The following SYNRG variants were observed in gnomAD, a reference collection of about 807,000 sequenced individuals.
SYNRG encodes the protein AP1 gamma subunit binding protein 1.
SYNRG carries 37 observed loss-of-function variants against 130.9 expected under a neutral mutation model. The ratio of observed to expected loss-of-function variants is 0.28; its 90% CI spans 0.22 to 0.37. SYNRG has a LOEUF of 0.37. Ranked by LOEUF, SYNRG falls within the 10% of genes least tolerant of loss-of-function variation. SYNRG has a pLI of 1.00. For missense variants in SYNRG, 1,338 were observed against 1,588.9 expected (o/e 0.84, Z 2.68); for synonymous variants, 539 against 568.1 (o/e 0.95, Z 0.73).
At chr17:37,521,033 CTTTTTTT>C (rs66478744) in intron 19 of SYNRG, among the ~76,000 whole-genome samples, 3 of 126,370 alleles carry the variant, frequency 2.4e-5, no homozygotes, top group Non-Finnish European at 5.0e-5. Flanking sequence ...TTTTTCTTTT[CTTTTTTT>C]TTTTTTTTTG....
At chr17:37,531,496 C>T (rs981004446) in intron 19 of SYNRG, among the ~76,000 whole-genome samples, 1 of 152,148 alleles carries the variant, frequency 6.6e-6, no homozygotes, top group Non-Finnish European at 1.5e-5. Flanking sequence ...AGTGTTTTGG[C>T]TGGACACAGT....
chr17:37,570,784 A>C lies in SYNRG; in HGVS notation c.1200T>G (p.Ser400Arg), dbSNP rs1420826060. 6.2e-7 allele frequency: 1 copy of C among 1,614,132 alleles called. No individual in the cohort carries two copies. Among genetic ancestry groups the C allele is most frequent in the South Asian group, 1.1e-5 (1 of 91,076 alleles). Residue 400 changes from serine (S) to arginine (R), a missense_variant, in exon 10 of 22, where the codon AGT (serine) becomes AGG (arginine). By Grantham distance (110) the Ser-to-Arg change is moderately radical. Around this residue, in one of 3 missense-constraint regions of SYNRG, gnomAD observed 1,146 missense variants for 1,342.3 expected, o/e 0.85. Transcript: ENST00000612223. ...GACCTGAAGGTATCACAGTTGGCTG[A>C]CTCACCGGTGTAGGCAGAGTCATAG... ...GFSMTLPTPVSQPTVIPSGPA... is the reference protein window; with the variant it reads ...GFSMTLPTPVRQPTVIPSGPA...
At chr17:37,538,761 A>C (rs1384066848) in intron 17 of SYNRG, among the ~76,000 whole-genome samples, 1 of 152,002 alleles carries the variant, frequency 6.6e-6, no homozygotes, top group Non-Finnish European at 1.5e-5. Flanking sequence ...CGCCTGGCTA[A>C]TTTTTGCATT....
intron 6 of SYNRG, among the ~76,000 whole-genome samples, chr17:37,578,185 G>T (rs2061005359): frequency 6.6e-6 from 1 of 151,888 alleles, no homozygotes; most frequent in Non-Finnish European, 1.5e-5. Context: ...CAAAAAATTA[G>T]CCAGGCGTGG....
intron 1 of SYNRG, among the ~76,000 whole-genome samples, chr17:37,602,961 T>C (rs746861555): frequency 7.2e-5 from 11 of 152,110 alleles, no homozygotes; most frequent in Non-Finnish European, 1.3e-4. Context: ...GAGGCGGAGG[T>C]TGCAGTGAGC....
At chr17:37,590,481 C>T (rs2062075496) in intron 3 of SYNRG, among the ~76,000 whole-genome samples, 1 of 152,136 alleles carries the variant, frequency 6.6e-6, no homozygotes, top group Non-Finnish European at 1.5e-5. Flanking sequence ...CATATATTCA[C>T]TCTATGAAAT....
At position 37,520,642 on chromosome 17, in the gene SYNRG, C is replaced by T. The variant is rs748992858; in HGVS notation, c.3673G>A (p.Glu1225Lys). 1 of 1,614,142 alleles carries T rather than the reference C, an allele frequency of 6.2e-7. No homozygotes were observed. Among genetic ancestry groups the T allele is most frequent in the South Asian group, 1.1e-5 (1 of 91,082 alleles). Residue 1225 changes from glutamate to lysine, a missense_variant, in exon 20 of 22, where the codon GAA (glutamate) becomes AAA (lysine). By Grantham distance (56) the Glu-to-Lys change is moderately conservative. Around this residue, in one of 3 missense-constraint regions of SYNRG, gnomAD observed 1,146 missense variants for 1,342.3 expected, o/e 0.85. Coordinates refer to ENST00000612223, the MANE Select transcript of SYNRG (RefSeq NM_007247.6). The stretch of plus-strand genomic sequence containing the variant: ...CAGGAGGAAAAATCCAGCGAGTTTT[C>T]ATCTGGCTGTGAGGACGACAAGACA... Reference protein sequence around the residue: ...FMSLATLTPDENSLDFSSCML... With the variant: ...FMSLATLTPDKNSLDFSSCML...
chr17:37,598,154 G>T (rs1254915701), intron 2 of SYNRG, among the ~76,000 whole-genome samples: 2 of 152,192 alleles, frequency 1.3e-5, no homozygotes, highest in East Asian at 3.8e-4. Flanking sequence ...GTAATTAGGA[G>T]AGATAGATAA....
At chr17:37,606,470 CCT>C (rs1356694412) in intron 1 of SYNRG, among the ~76,000 whole-genome samples, 1 of 152,164 alleles carries the variant, frequency 6.6e-6, no homozygotes, top group African/African-American at 2.4e-5. Context: ...AAGAACGTGA[CCT>C]CTTTGTTCCA....
At position 37,542,328 on chromosome 17, in the gene SYNRG, G is replaced by T. The variant is rs1219278805; in HGVS notation, c.2846C>A (p.Thr949Asn). ...TGGAAGAGCATCTTCACTTACAAAGGTCGTTACTTTGGAGAGAGATGTCAT... is the reference window on the plus strand; with the variant it reads ...TGGAAGAGCATCTTCACTTACAAAGTTCGTTACTTTGGAGAGAGATGTCAT... ...ITMTSLSKVT[T>N]FVSEDALPET... The change falls in exon 15 of 22, where the codon ACC (threonine) becomes AAC (asparagine). Residue 949 changes from threonine (T) to asparagine (N), a missense_variant. By Grantham distance (65) the Thr-to-Asn change is moderately conservative. Around this residue, in one of 3 missense-constraint regions of SYNRG, gnomAD observed 1,146 missense variants for 1,342.3 expected, o/e 0.85. Transcript: ENST00000612223. The T allele has an allele frequency of 2.5e-6, 4 of 1,614,210 alleles. No individual in the cohort carries two copies. Among genetic ancestry groups the T allele is most frequent in the Non-Finnish European group, 3.4e-6 (4 of 1,180,046 alleles).
intron 8 of SYNRG, among the ~76,000 whole-genome samples, chr17:37,574,907 T>C (rs909702245): frequency 4.6e-5 from 7 of 152,140 alleles, no homozygotes; most frequent in Admixed American, 6.5e-5. Flanking sequence ...TAAGTGTCCA[T>C]TGACAGACGA....
chr17:37,583,309 A>G lies in SYNRG; in HGVS notation c.589+1339T>C, dbSNP rs117867460. Reference sequence around the variant, plus strand: ...TATATTCCTAAATTACTTCTTGACTAGCTTATTCACCTTATAATTTTCATT... The same window carrying G: ...TATATTCCTAAATTACTTCTTGACTGGCTTATTCACCTTATAATTTTCATT... On this transcript the variant is annotated intron_variant, in intron 6 of 21. Transcript: ENST00000612223. 9.3e-3 allele frequency among the ~76,000 whole-genome samples: 1,412 copies of G among 152,274 alleles called. 15 individuals carry two copies. Among genetic ancestry groups the G allele is most frequent in the Non-Finnish European group, 0.015 (1,002 of 68,018 alleles).
chr17:37,572,796 G>C (rs74428077), intron 8 of SYNRG, among the ~76,000 whole-genome samples: 2,253 of 152,280 alleles, frequency 0.015, 19 homozygotes, highest in Non-Finnish European at 0.023. Context: ...TCTTAAAAAG[G>C]GGGGTACAGT....
At chr17:37,538,210 C>T (rs2057393246) in intron 18 of SYNRG, 114 bp downstream of exon 18, 3 of 732,866 alleles carry the variant, frequency 4.1e-6, no homozygotes, top group Non-Finnish European at 6.7e-6. Flanking sequence ...AATACAGATG[C>T]TTCTTACTGA....
At chr17:37,576,456 T>C (rs2060845437) in intron 7 of SYNRG, 38 bp from the exon 8 acceptor site, 1 of 1,571,512 alleles carries the variant, frequency 6.4e-7, no homozygotes, top group Non-Finnish European at 8.7e-7. Flanking sequence ...TAGTGGTCCA[T>C]GGAGAAGATG....
intron 2 of SYNRG, among the ~76,000 whole-genome samples, chr17:37,597,659 G>A (rs1472368068): frequency 6.6e-6 from 1 of 152,234 alleles, no homozygotes; most frequent in Non-Finnish European, 1.5e-5. Flanking sequence ...TATCACGAAT[G>A]TATGATTTAG....
intron 15 of SYNRG, 75 bp downstream of exon 15, chr17:37,541,897 T>A: frequency 1.5e-6 from 2 of 1,374,378 alleles, no homozygotes; most frequent in Non-Finnish European, 2.0e-6. Flanking sequence ...GAGAGCAACA[T>A]TTTATTCTTA....
At chr17:37,543,491 T>C (rs1029122077) in intron 14 of SYNRG, among the ~76,000 whole-genome samples, 1 of 152,248 alleles carries the variant, frequency 6.6e-6, no homozygotes, top group Non-Finnish European at 1.5e-5. Context: ...CTACTATTTG[T>C]ATGACACTAG....
chr17:37,518,747 A>C lies in SYNRG; in HGVS notation c.*193T>G. The C allele has an allele frequency of 1.7e-6, 1 of 588,584 alleles. No individual in the cohort carries two copies. The highest frequency in any genetic ancestry group is 2.8e-6 in the Non-Finnish European group (1 of 354,038). 36.5% of individuals were successfully genotyped at this position (588,584 alleles called of 1,614,324 possible). ...TGAGCAAGCTTCTGGTGCCACGTGC[A>C]GTTTGGGTGGGACAATTTTACCTGA... is the stretch of plus-strand genomic sequence containing the variant. On this transcript the variant is annotated 3_prime_UTR_variant, in exon 22 of 22. Coordinates refer to ENST00000612223, the MANE Select transcript of SYNRG (RefSeq NM_007247.6).
Sources: allele counts gnomAD v4.1 joint callset (sites outside exome capture counted in the v4.1 genomes callset), GRCh38; gene constraint gnomAD v4.1.1; regional missense constraint gnomAD v4.1.1; transcripts MANE v1.5; gene names NCBI Gene and HGNC (gene_info 2026-07-23, HGNC 2026-07-21).